Variants in HNRNPH3 observed in about 807,000 individuals in gnomAD.
The protein encoded by HNRNPH3 is heterogeneous nuclear ribonucleoprotein 2H9.
HNRNPH3 carries 7 observed loss-of-function variants against 47.0 expected under a neutral mutation model. The observed-to-expected ratio is 0.15, with a 90% CI of 0.08 to 0.28. The LOEUF is 0.28. Among genes scored for constraint, HNRNPH3 ranks in the 10% least tolerant of loss-of-function variants. The pLI, the probability that HNRNPH3 is intolerant of heterozygous loss-of-function variation, is 1.00. For missense variants in HNRNPH3, 279 were observed against 449.6 expected (o/e 0.62, Z 3.43); for synonymous variants, 120 against 143.2 (o/e 0.84, Z 1.16).
intron 5 of HNRNPH3, 88 bp downstream of exon 5, chr10:68,339,314 A>G: frequency 6.4e-7 from 1 of 1,567,432 alleles, no homozygotes; most frequent in Non-Finnish European, 8.7e-7. Flanking sequence ...GGAAACTTGT[A>G]TAAAGTTAAT....
rs2046030916 is a variant in HNRNPH3 at position 68,342,588 on chromosome 10, C to T, written c.*534C>T. Reference sequence around the variant, plus strand: ...TTATTATTTTTCAAATGTCATTTATCAGGCATAGCTCTGAAACATTGATGA... The same window carrying T: ...TTATTATTTTTCAAATGTCATTTATTAGGCATAGCTCTGAAACATTGATGA... On this transcript the variant is annotated 3_prime_UTR_variant, in exon 10 of 10. Coordinates refer to ENST00000265866, the MANE Select transcript of HNRNPH3 (RefSeq NM_012207.3). 6.6e-6 allele frequency: 1 copy of T among 152,594 alleles called. No homozygotes were observed. Among genetic ancestry groups the T allele is most frequent in the Non-Finnish European group, 1.5e-5 (1 of 68,178 alleles). The allele number at this position is 152,594 out of a possible 1,614,324, so 9.5% of individuals were successfully genotyped here. A position where few individuals can be genotyped will look rare whatever the true frequency, so the allele number is the denominator to read the frequency against.
At position 68,337,463 on chromosome 10, in the gene HNRNPH3, T is replaced by C. The variant is rs2045601034; in HGVS notation, c.112+130T>C. On this transcript the variant is annotated intron_variant, in intron 2 of 9. Transcript: ENST00000265866. This position sits in a 1 kb window ranked among gnomAD's most constrained non-coding sequence, Gnocchi z 4.5. Reference sequence around the variant, plus strand: ...TTAACTATGATAGTCTTGGTTAATGTATTAAAATAATATGCTCCAGTTAAT... The same window carrying C: ...TTAACTATGATAGTCTTGGTTAATGCATTAAAATAATATGCTCCAGTTAAT... The C allele has an allele frequency of 1.6e-6, 1 of 618,384 alleles. No homozygotes were observed. The highest frequency in any genetic ancestry group is 1.9e-5 in the African/African-American group (1 of 53,934). The allele number at this position is 618,384 out of a possible 1,614,324, so 38.3% of individuals were successfully genotyped here. A position where few individuals can be genotyped will look rare whatever the true frequency, so the allele number is the denominator to read the frequency against.
At chr10:68,339,910 T>C (rs551400707) in intron 6 of HNRNPH3, among the ~76,000 whole-genome samples, 6 of 152,254 alleles carry the variant, frequency 3.9e-5, no homozygotes, top group Admixed American at 2.0e-4. Context: ...TCAACCTACA[T>C]AGGATTCAAA....
At chr10:68,331,875 A>C (rs772463694), upstream of HNRNPH3, 1 of 152,298 alleles carries the variant, frequency 6.6e-6, no homozygotes, top group Non-Finnish European at 1.5e-5. Flanking sequence ...CAGCTCTTTA[A>C]CTGGAACAGC....
chr10:68,334,980 T>A (rs2045463251), intron 1 of HNRNPH3, among the ~76,000 whole-genome samples: 1 of 152,154 alleles, frequency 6.6e-6, no homozygotes, highest in Non-Finnish European at 1.5e-5. Flanking sequence ...GTGAGGCTGT[T>A]TTTATTGTAT....
intron 3 of HNRNPH3, 102 bp downstream of exon 3, chr10:68,338,098 G>A (rs2045630235): frequency 1.2e-6 from 1 of 863,360 alleles, no homozygotes; most frequent in South Asian, 2.6e-5. Flanking sequence ...TTCTGGGGTA[G>A]TTTAAAAGAA....
At chr10:68,333,800 A>G (rs2045366009) in intron 1 of HNRNPH3, among the ~76,000 whole-genome samples, 2 of 152,218 alleles carry the variant, frequency 1.3e-5, no homozygotes, top group Admixed American at 6.5e-5. Flanking sequence ...TCTAAAAACA[A>G]AAACTTATTA....
At position 68,337,546 on chromosome 10, in the gene HNRNPH3, G is replaced by T; in HGVS notation, c.112+213G>T. On this transcript the variant is annotated intron_variant, in intron 2 of 9. Coordinates refer to ENST00000265866, the MANE Select transcript of HNRNPH3 (RefSeq NM_012207.3). The surrounding 1 kb of genome is among the most constrained non-coding windows in gnomAD (Gnocchi z 4.5). ...CTAGTTAATGTGCAGTAACATATTT[G>T]AGAATTGTGATGAAATGAACCGTGA... 2 of 554,542 alleles carry T rather than the reference G, an allele frequency of 3.6e-6. No homozygotes were observed. Among genetic ancestry groups the T allele is most frequent in the East Asian group, 5.8e-5 (2 of 34,538 alleles). The allele number at this position is 554,542 out of a possible 1,614,324, so 34.4% of individuals were successfully genotyped here.
chr10:68,336,910 A>G (rs1008650029), intron 1 of HNRNPH3: 1 of 245,958 alleles, frequency 4.1e-6, no homozygotes, highest in Non-Finnish European at 7.7e-6. Context: ...GGACACAAAT[A>G]GTTTGAAGAC....
intron 1 of HNRNPH3, chr10:68,332,854 G>A (rs1002498526): frequency 1.3e-5 from 2 of 152,322 alleles, no homozygotes; most frequent in African/African-American, 2.4e-5. Context: ...GCTGGGGGAG[G>A]AAAGCCAATG....
In HNRNPH3 at chr10:68,341,784, T is replaced by G. The variant is rs1431128052; in HGVS notation, c.897T>G (p.Val299=). 5 of 1,608,894 alleles carry G rather than the reference T, an allele frequency of 3.1e-6. No homozygotes were observed. In the African/African-American group the frequency reaches 5.4e-5, roughly 17 times the overall value. Residue 299 remains valine, a synonymous_variant, in exon 9 of 10, where the codon GTT becomes GTG. Coordinates refer to ENST00000265866, the MANE Select transcript of HNRNPH3 (RefSeq NM_012207.3). ...ATAATCAGGGAGGCTATGGATCAGTTGGAAGAATGGGAATGGGGAACAATT... is the reference window on the plus strand; with the variant it reads ...ATAATCAGGGAGGCTATGGATCAGTGGGAAGAATGGGAATGGGGAACAATT... ...GMDNQGGYGS[V]GRMGMGNNYS... is the part of the protein sequence containing the mutation.
intron 6 of HNRNPH3, among the ~76,000 whole-genome samples, chr10:68,340,394 G>A (rs1162759): frequency 0.94 from 142,576 of 152,266 alleles, 66,877 homozygotes; most frequent in East Asian, 1. Flanking sequence ...TAGGCTAGAT[G>A]GTGATTAGAA....
At position 68,337,565 on chromosome 10, in the gene HNRNPH3, A is replaced by C. The variant is rs2045606517; in HGVS notation, c.112+232A>C. 1 of 549,808 alleles carries C rather than the reference A, an allele frequency of 1.8e-6. No individual in the cohort carries two copies. Among genetic ancestry groups the C allele is most frequent in the Non-Finnish European group, 3.2e-6 (1 of 311,578 alleles). 34.1% of individuals were successfully genotyped at this position (549,808 alleles called of 1,614,324 possible). On this transcript the variant is annotated intron_variant, in intron 2 of 9. Transcript: ENST00000265866. This position sits in a 1 kb window ranked among gnomAD's most constrained non-coding sequence, Gnocchi z 4.5. ...ATATTTGAGAATTGTGATGAAATGA[A>C]CCGTGAATTAGTATATGGAGCATAT... is the stretch of plus-strand genomic sequence containing the variant.
intron 1 of HNRNPH3, among the ~76,000 whole-genome samples, chr10:68,333,559 G>C (rs1034760334): frequency 2.0e-5 from 3 of 152,044 alleles, no homozygotes; most frequent in African/African-American, 7.2e-5. Flanking sequence ...TTTAGTGTAG[G>C]AGTATAGTAC....
At chr10:68,340,031 T>C (rs917385780) in intron 6 of HNRNPH3, among the ~76,000 whole-genome samples, 2 of 151,274 alleles carry the variant, frequency 1.3e-5, no homozygotes, top group Admixed American at 1.3e-4. Context: ...GTTGTACCGT[T>C]TTTTGTTTTG....
In HNRNPH3 at chr10:68,337,648, A is replaced by T; in HGVS notation, c.113-210A>T. ...AGGTGGGCTTTTAGAGTGTGTAATT[A>T]CACAGTGTTTTTACACTGGTCGCAA... On this transcript the variant is annotated intron_variant, in intron 2 of 9. Coordinates refer to ENST00000265866, the MANE Select transcript of HNRNPH3 (RefSeq NM_012207.3). This position sits in a 1 kb window ranked among gnomAD's most constrained non-coding sequence, Gnocchi z 4.5. 1.9e-6 allele frequency: 1 copy of T among 531,084 alleles called. No homozygotes were observed. The highest frequency in any genetic ancestry group is 3.3e-6 in the Non-Finnish European group (1 of 299,258). 32.9% of individuals were successfully genotyped at this position (531,084 alleles called of 1,614,324 possible).
chr10:68,339,407 T>C, intron 5 of HNRNPH3, 33 bp from the exon 6 acceptor site: 1 of 1,570,166 alleles, frequency 6.4e-7, no homozygotes, highest in Non-Finnish European at 8.8e-7. Flanking sequence ...GTATCTGTAA[T>C]AGTTTATAAT....
At position 68,342,036 on chromosome 10, in the gene HNRNPH3, A is replaced by T; in HGVS notation, c.1023A>T (p.Gly341=). 4 of 1,613,696 alleles carry T rather than the reference A, an allele frequency of 2.5e-6. No individual in the cohort carries two copies. The highest frequency in any genetic ancestry group is 3.4e-6 in the Non-Finnish European group (4 of 1,179,882). ...GGCAAGGCGGCATGAGTGGAGGTGG[A>T]TGGCGTGGGATGTACTGAAAGCAAA... ...YYGQGGMSGG[G]WRGMY The change falls in exon 10 of 10, where the codon GGA becomes GGT. Residue 341 remains glycine, a synonymous_variant. Transcript: ENST00000265866.
In HNRNPH3 at chr10:68,342,466, TA is replaced by T. The variant is rs1379316786; in HGVS notation, c.*414del. 1 of 156,470 alleles carries T rather than the reference TA, an allele frequency of 6.4e-6. No individual in the cohort carries two copies. The highest frequency in any genetic ancestry group is 1.4e-5 in the Non-Finnish European group (1 of 70,870). The allele number at this position is 156,470 out of a possible 1,614,324, so 9.7% of individuals were successfully genotyped here. A position where few individuals can be genotyped will look rare whatever the true frequency, so the allele number is the denominator to read the frequency against. ...AATAGAGCTTGACAAATAATTAGTGTAACTTTTTTCTTTAGTTCCTCCTGGA... is the reference window on the plus strand; with the variant it reads ...AATAGAGCTTGACAAATAATTAGTGTACTTTTTTCTTTAGTTCCTCCTGGA... On this transcript the variant is annotated 3_prime_UTR_variant, in exon 10 of 10. Coordinates refer to ENST00000265866, the MANE Select transcript of HNRNPH3 (RefSeq NM_012207.3).
Sources: gnomAD v4.1 joint callset for allele counts (sites outside exome capture counted in the v4.1 genomes callset) on GRCh38, gnomAD v4.1.1 for gene constraint, Gnocchi (gnomAD v3.1) non-coding constraint, MANE v1.5 for transcripts, NCBI Gene and HGNC (gene_info 2026-07-23, HGNC 2026-07-21) for gene names.